Variants in ARHGAP21 observed in about 807,000 individuals in gnomAD.
ARHGAP21 encodes Rho GTPase activating protein 21, also known as rho GTPase-activating protein 21.
In ARHGAP21, 38 loss-of-function variants were observed where a neutral mutation model predicts 164.6. The observed-to-expected ratio is 0.23, with a 90% CI of 0.18 to 0.30. The LOEUF (loss-of-function observed/expected upper bound fraction) is 0.30, where lower values mean the gene tolerates loss of function less well. ARHGAP21 is among the 10% of genes least tolerant of loss of function. The pLI is 1.00. For synonymous variants in ARHGAP21, 766 were observed against 857.9 expected (o/e 0.89, Z 1.87); for missense variants, 1,822 against 2,370.7 (o/e 0.77, Z 4.81).
intron 2 of ARHGAP21, among the ~76,000 whole-genome samples, chr10:24,672,496 C>T (rs1001157451): frequency 2.0e-5 from 3 of 152,092 alleles, no homozygotes; most frequent in Non-Finnish European, 4.4e-5. Flanking sequence ...CATTAAACAC[C>T]GTCTAATATG....
intron 24 of ARHGAP21, chr10:24,591,010 C>A (rs548822259): frequency 1.2e-5 from 9 of 753,016 alleles, no homozygotes; most frequent in Middle Eastern, 6.7e-4. Context: ...TCCATTCTGA[C>A]AAACATTACA....
intron 2 of ARHGAP21, among the ~76,000 whole-genome samples, chr10:24,686,696 G>A (rs1842243103): frequency 6.6e-6 from 1 of 152,104 alleles, no homozygotes; most frequent in Admixed American, 6.5e-5. Flanking sequence ...ACGATTCATG[G>A]ATTTTCCATA....
At chr10:24,609,919 A>T (rs2077181108) in intron 9 of ARHGAP21, among the ~76,000 whole-genome samples, 1 of 152,256 alleles carries the variant, frequency 6.6e-6, no homozygotes, top group Non-Finnish European at 1.5e-5. Flanking sequence ...TAAATAAAAT[A>T]TTCTGTTAGA....
At chr10:24,613,872 C>T (rs775716588) in intron 9 of ARHGAP21, among the ~76,000 whole-genome samples, 6 of 149,466 alleles carry the variant, frequency 4.0e-5, no homozygotes, top group East Asian at 3.9e-4. Flanking sequence ...AGATTTGCCA[C>T]GGTTAACAGG....
rs905190013 is a variant in ARHGAP21 at position 24,723,405 on chromosome 10, C to T, written c.-381+157G>A. On this transcript the variant is annotated intron_variant, in intron 1 of 25. Coordinates refer to ENST00000396432, the MANE Select transcript of ARHGAP21 (RefSeq NM_020824.4). ...CACGCGGGCGCGGCCCCTCCGCCCC[C>T]GCCGGGCGCCCGCCGCGGGCTCCCT... Among the ~76,000 whole-genome samples, 79 of 147,166 alleles carry T rather than the reference C, an allele frequency of 5.4e-4. 1 individual carries two copies. Among genetic ancestry groups the T allele is most frequent in the Non-Finnish European group, 1.0e-3 (67 of 65,898 alleles).
chr10:24,596,574 GA>G, intron 17 of ARHGAP21, 165 bp downstream of exon 17: 7 of 868,852 alleles, frequency 8.1e-6, no homozygotes, highest in Non-Finnish European at 1.0e-5. Context: ...CAATACATTA[GA>G]AAAAAAGCAT....
intron 2 of ARHGAP21, among the ~76,000 whole-genome samples, chr10:24,716,391 G>A (rs1358473139): frequency 6.6e-6 from 1 of 152,230 alleles, no homozygotes; most frequent in Admixed American, 6.5e-5. Flanking sequence ...CTAAGCAAAA[G>A]CCCGAAGGAG....
At chr10:24,705,694 A>C (rs1045106472) in intron 2 of ARHGAP21, among the ~76,000 whole-genome samples, 1 of 152,208 alleles carries the variant, frequency 6.6e-6, no homozygotes, top group African/African-American at 2.4e-5. Flanking sequence ...AATTTCAAAC[A>C]ATATTAAATA....
chr10:24,605,936 C>T (rs2077005473), intron 11 of ARHGAP21, among the ~76,000 whole-genome samples: 1 of 151,782 alleles, frequency 6.6e-6, no homozygotes, highest in African/African-American at 2.4e-5. Flanking sequence ...TAGAATAGAG[C>T]CCCACAATAA....
At chr10:24,616,001 C>T (rs1367935654) in intron 9 of ARHGAP21, among the ~76,000 whole-genome samples, 2 of 152,112 alleles carry the variant, frequency 1.3e-5, no homozygotes, top group African/African-American at 2.4e-5. Flanking sequence ...TGGTCTTGAA[C>T]TCCCAACCTC....
At chr10:24,708,933 T>A (rs1386854846) in intron 2 of ARHGAP21, among the ~76,000 whole-genome samples, 1 of 152,230 alleles carries the variant, frequency 6.6e-6, no homozygotes, top group African/African-American at 2.4e-5. Context: ...TAAGTGGATT[T>A]CTTTTCCTTT....
intron 2 of ARHGAP21, among the ~76,000 whole-genome samples, chr10:24,678,539 G>T (rs1324234839): frequency 1.3e-5 from 2 of 151,968 alleles, no homozygotes; most frequent in Non-Finnish European, 2.9e-5. Context: ...CTTGCTCTGT[G>T]GCCCAGGCTG....
chr10:24,676,434 T>C (rs1304921147), intron 2 of ARHGAP21, among the ~76,000 whole-genome samples: 2 of 152,208 alleles, frequency 1.3e-5, no homozygotes, highest in South Asian at 4.1e-4. Context: ...TTTAGCATTG[T>C]GGTTCAGAAC....
chr10:24,629,556 T>C (rs1384158082), intron 7 of ARHGAP21: 3 of 160,358 alleles, frequency 1.9e-5, no homozygotes, highest in South Asian at 1.7e-4. Context: ...ATTGGAAAAT[T>C]AGAAAATGGC....
intron 2 of ARHGAP21, among the ~76,000 whole-genome samples, chr10:24,685,998 C>A (rs1842175100): frequency 6.6e-6 from 1 of 152,178 alleles, no homozygotes; most frequent in African/African-American, 2.4e-5. Context: ...GAAGTACAAT[C>A]TTCCTATAAA....
At chr10:24,699,010 G>A (rs1253376074) in intron 2 of ARHGAP21, among the ~76,000 whole-genome samples, 4 of 152,088 alleles carry the variant, frequency 2.6e-5, no homozygotes, top group East Asian at 1.9e-4. Context: ...TACAAAAAGC[G>A]CCTAAAACTC....
In ARHGAP21 at chr10:24,604,292, A is replaced by G; in HGVS notation, c.2721+20T>C. On this transcript the variant is annotated intron_variant, in intron 12 of 25. Coordinates refer to ENST00000396432, the MANE Select transcript of ARHGAP21 (RefSeq NM_020824.4). ...TATGAAGAGATAAACTAAGGTAAGT[A>G]GAAACACTCTAATACCAACCTTGAT... is the stretch of plus-strand genomic sequence containing the variant. 1 of 1,546,592 alleles carries G rather than the reference A, an allele frequency of 6.5e-7. No homozygotes were observed. The highest frequency in any genetic ancestry group is 8.7e-7 in the Non-Finnish European group (1 of 1,143,830).
chr10:24,631,498 A>T (rs1835853502), intron 6 of ARHGAP21, among the ~76,000 whole-genome samples: 1 of 152,236 alleles, frequency 6.6e-6, no homozygotes, highest in Non-Finnish European at 1.5e-5. Context: ...AGATTAAGAA[A>T]CAATCAACAA....
At chr10:24,600,611 G>A in intron 14 of ARHGAP21, 35 bp downstream of exon 14, 1 of 1,597,600 alleles carries the variant, frequency 6.3e-7, no homozygotes, top group African/African-American at 1.3e-5. Context: ...GTTGTGAAAG[G>A]GTCAGATTTC....
Sources: gnomAD v4.1 joint callset for allele counts (sites outside exome capture counted in the v4.1 genomes callset) on GRCh38, gnomAD v4.1.1 for gene constraint, MANE v1.5 for transcripts, NCBI Gene and HGNC (gene_info 2026-07-23, HGNC 2026-07-21) for gene names.